The following ARMH3 variants were observed in gnomAD, a reference collection of about 807,000 sequenced individuals.
ARMH3 encodes armadillo like helical domain containing 3.
ARMH3 carries 60 observed loss-of-function variants against 99.1 expected under a neutral mutation model. That is an observed-to-expected ratio of 0.61 (90% CI 0.49 to 0.75). ARMH3 has a LOEUF of 0.75. Ranked by LOEUF, ARMH3 falls within the 30% of genes least tolerant of loss-of-function variation. ARMH3 has a pLI of 0.00. For missense variants in ARMH3, 679 were observed against 843.1 expected (o/e 0.81, Z 2.41); for synonymous variants, 285 against 292.8 (o/e 0.97, Z 0.27).
intron 20 of ARMH3, among the ~76,000 whole-genome samples, chr10:101,958,331 T>C (rs1213867720): frequency 6.6e-6 from 1 of 152,232 alleles, no homozygotes. Context: ...TGACAACATT[T>C]ATTGAAATCT....
chr10:101,883,178 G>A (rs900836988), intron 24 of ARMH3, among the ~76,000 whole-genome samples: 4 of 152,148 alleles, frequency 2.6e-5, no homozygotes, highest in Non-Finnish European at 4.4e-5. Context: ...ACTTTGGGAG[G>A]ACAAGATGGG....
chr10:102,008,845 G>A (rs1398499984), intron 13 of ARMH3, among the ~76,000 whole-genome samples: 4 of 152,018 alleles, frequency 2.6e-5, no homozygotes, highest in Non-Finnish European at 4.4e-5. Context: ...GATTACAGGC[G>A]TGAGCCACAG....
chr10:101,930,404 C>T (rs551150801), intron 23 of ARMH3, among the ~76,000 whole-genome samples: 1 of 151,736 alleles, frequency 6.6e-6, no homozygotes, highest in South Asian at 2.1e-4. Context: ...TAGGTTGGTG[C>T]AAAAGTAATA....
intron 8 of ARMH3, among the ~76,000 whole-genome samples, chr10:102,019,909 CAG>C (rs2066840420): frequency 7.7e-6 from 1 of 129,412 alleles, no homozygotes; most frequent in African/African-American, 3.0e-5. Flanking sequence ...GCCTGGGAGA[CAG>C]AGTGAGACTC....
At chr10:102,036,421 TG>T (rs2067273201) in intron 2 of ARMH3, among the ~76,000 whole-genome samples, 1 of 152,130 alleles carries the variant, frequency 6.6e-6, no homozygotes, top group South Asian at 2.1e-4. Context: ...ATGGCGGTTT[TG>T]TGGAATAGAA....
chr10:101,880,622 A>G (rs2067389381), intron 24 of ARMH3, among the ~76,000 whole-genome samples: 1 of 152,096 alleles, frequency 6.6e-6, no homozygotes, highest in African/African-American at 2.4e-5. Flanking sequence ...ACTACCAATC[A>G]GCTCCCCTCC....
Position 101,847,567 on chromosome 10 carries a change from G to T in ARMH3, c.2031C>A (p.Ser677Arg), listed in dbSNP as rs2066490243. The T allele has an allele frequency of 9.3e-6, 15 of 1,614,178 alleles. No homozygotes were observed. The highest frequency in any genetic ancestry group is 1.3e-5 in the Non-Finnish European group (15 of 1,180,018). ...AGAACTCCTTGAGCAGGACTTCTTGGCTGAGTGTGTGGAAGGCCAGGTTTC... is the reference window on the plus strand; with the variant it reads ...AGAACTCCTTGAGCAGGACTTCTTGTCTGAGTGTGTGGAAGGCCAGGTTTC... The part of the protein sequence containing the change: ...VRRNLAFHTL[S>R]QEVLLKEFST... The change falls in exon 26 of 26, where the codon AGC becomes AGA. Residue 677 changes from serine (S) to arginine (R), a missense_variant. This residue lies in a region of ARMH3 where 389 missense variants were observed against 456.5 expected (regional missense o/e 0.85). Transcript: ENST00000370033.
chr10:102,009,305 C>T (rs2066577637), intron 13 of ARMH3, 69 bp downstream of exon 13: 1 of 1,417,126 alleles, frequency 7.1e-7, no homozygotes, highest in African/African-American at 1.4e-5. Context: ...GCCAGATAGG[C>T]TTTTCAATGG....
In ARMH3 at chr10:101,934,465, T is replaced by G. The variant is rs150534683; in HGVS notation, c.1781+5398A>C. Among the ~76,000 whole-genome samples, 618 of 152,300 alleles carry G rather than the reference T, an allele frequency of 4.1e-3. 8 individuals carry two copies. The highest frequency in any genetic ancestry group is 0.014 in the African/African-American group (571 of 41,564). ...TTCCAAACCCCAGGCTTGTCACTAA[T>G]CATAACAATATCTGAAAAGTCATTC... On this transcript the variant is annotated intron_variant, in intron 23 of 25. Transcript: ENST00000370033.
intron 13 of ARMH3, among the ~76,000 whole-genome samples, 156 bp downstream of exon 13, chr10:102,009,218 A>G (rs535190301): frequency 6.6e-6 from 1 of 152,370 alleles, no homozygotes; most frequent in African/African-American, 2.4e-5. Context: ...ATTTGAGGAC[A>G]GCAGGAAACA....
chr10:101,887,709 A>G (rs932465284), intron 24 of ARMH3, among the ~76,000 whole-genome samples: 1 of 150,448 alleles, frequency 6.6e-6, no homozygotes, highest in Non-Finnish European at 1.5e-5. Flanking sequence ...CTGGGATTAC[A>G]AGTGTGAGCC....
At chr10:101,961,884 T>C (rs1057177885) in intron 20 of ARMH3, among the ~76,000 whole-genome samples, 1 of 152,256 alleles carries the variant, frequency 6.6e-6, no homozygotes, top group Non-Finnish European at 1.5e-5. Context: ...TGTAAGACTT[T>C]GCAATCAAGT....
At chr10:101,944,168 C>T (rs540621559) in intron 22 of ARMH3, among the ~76,000 whole-genome samples, 93 of 144,158 alleles carry the variant, frequency 6.5e-4, no homozygotes, top group Non-Finnish European at 1.2e-3. Context: ...AAAAAGAAAC[C>T]CACGGCTAAG....
intron 22 of ARMH3, among the ~76,000 whole-genome samples, chr10:101,950,596 A>G (rs1478384365): frequency 1.3e-5 from 2 of 152,258 alleles, no homozygotes; most frequent in Non-Finnish European, 2.9e-5. Flanking sequence ...TATCCATACA[A>G]TGTAATATTG....
intron 10 of ARMH3, 73 bp from the exon 11 acceptor site, chr10:102,011,856 A>C: frequency 7.9e-7 from 1 of 1,258,438 alleles, no homozygotes; most frequent in South Asian, 1.3e-5. Flanking sequence ...ATTTGGGGTA[A>C]TCAGGGCAGA....
chr10:101,951,964 C>A (rs1844812840), intron 22 of ARMH3, among the ~76,000 whole-genome samples: 1 of 151,492 alleles, frequency 6.6e-6, no homozygotes, highest in African/African-American at 2.4e-5. Context: ...GGAATAAGAA[C>A]AGCAGCAGCA....
Position 101,957,671 on chromosome 10 carries a change from G to T in ARMH3, c.1557C>A (p.Asn519Lys). The T allele has an allele frequency of 6.2e-7, 1 of 1,607,580 alleles. No individual in the cohort carries two copies. The highest frequency in any genetic ancestry group is 8.5e-7 in the Non-Finnish European group (1 of 1,177,558). The change falls in exon 21 of 26, where the codon AAC becomes AAA. Residue 519 changes from asparagine to lysine, a missense_variant. This residue lies in a region of ARMH3 where 389 missense variants were observed against 456.5 expected (regional missense o/e 0.85). Coordinates refer to ENST00000370033, the MANE Select transcript of ARMH3 (RefSeq NM_024541.3). ...TCACCATAAGGGCTAATGTAAAAAT[G>T]TTGTGTTTGGCCAAAAGTACAGTCT... ...SNETVLLAKH[N>K]IFTLALMIVN...
chr10:101,921,827 G>A (rs766731399), intron 23 of ARMH3, among the ~76,000 whole-genome samples: 2 of 152,212 alleles, frequency 1.3e-5, no homozygotes, highest in Non-Finnish European at 2.9e-5. Flanking sequence ...GGCTGGCTGG[G>A]AAGGCAGGGG....
At chr10:101,979,368 A>T (rs767168904) in intron 19 of ARMH3, among the ~76,000 whole-genome samples, 11 of 152,252 alleles carry the variant, frequency 7.2e-5, no homozygotes, top group Non-Finnish European at 1.3e-4. Flanking sequence ...AGTCAGTAGT[A>T]AAAATCCACA....
Sources: gnomAD v4.1 joint callset for allele counts (sites outside exome capture counted in the v4.1 genomes callset) on GRCh38, gnomAD v4.1.1 for gene constraint, gnomAD v4.1.1 regional missense constraint, MANE v1.5 for transcripts, NCBI Gene and HGNC (gene_info 2026-07-23, HGNC 2026-07-21) for gene names.